RAD54L2: variants seen among roughly 807,000 people sequenced by gnomAD.
RAD54L2 encodes the protein helicase ARIP4.
Under a neutral mutation model 138.4 loss-of-function variants are expected in RAD54L2, and 27 were observed. The ratio of observed to expected loss-of-function variants is 0.20; its 90% CI spans 0.14 to 0.27. The LOEUF is 0.27. Among genes scored for constraint, RAD54L2 ranks in the 10% least tolerant of loss-of-function variants. The pLI is 1.00. For synonymous variants in RAD54L2, 644 were observed against 723.2 expected (o/e 0.89, Z 1.76); for missense variants, 1,396 against 1,890.2 (o/e 0.74, Z 4.85).
At chr3:51,658,544 T>C (rs570578969) in intron 21 of RAD54L2, among the ~76,000 whole-genome samples, 7 of 152,310 alleles carry the variant, frequency 4.6e-5, no homozygotes, top group African/African-American at 1.7e-4. Flanking sequence ...CCTGTTTTTT[T>C]CCCCTCTTTT....
In RAD54L2 at chr3:51,569,803, T is replaced by G. The variant is rs1699296716; in HGVS notation, c.-54-20564T>G. On this transcript the variant is annotated intron_variant, in intron 2 of 22. Transcript: ENST00000684192. ...CACAGTGTCTTTTTAATTTATATTT[T>G]TATAATATGCTAACATTTTATTTAT... Among the ~76,000 whole-genome samples the G allele has an allele frequency of 2.0e-5, 3 of 152,204 alleles. No individual in the cohort carries two copies. In the South Asian group the frequency reaches 6.2e-4, roughly 31 times the overall value.
intron 2 of RAD54L2, among the ~76,000 whole-genome samples, chr3:51,564,931 A>G (rs1699179858): frequency 6.6e-6 from 1 of 152,174 alleles, no homozygotes; most frequent in Non-Finnish European, 1.5e-5. Context: ...TGAAGATCAT[A>G]TGTTTGATTC....
chr3:51,599,760 A>G (rs1365137071), intron 3 of RAD54L2, among the ~76,000 whole-genome samples: 1 of 148,238 alleles, frequency 6.7e-6, no homozygotes, highest in South Asian at 2.1e-4. Context: ...AAAAAAAAAA[A>G]AGGGCAAAAA....
At chr3:51,640,279 T>C (rs1353628047) in intron 14 of RAD54L2, among the ~76,000 whole-genome samples, 2 of 152,220 alleles carry the variant, frequency 1.3e-5, no homozygotes, top group Non-Finnish European at 2.9e-5. Flanking sequence ...TTTAAAAGGT[T>C]ATAAAAAACA....
In RAD54L2 at chr3:51,645,145, C is replaced by T. The variant is rs759617021; in HGVS notation, c.2572C>T (p.Pro858Ser). The T allele has an allele frequency of 1.2e-6, 2 of 1,613,926 alleles. No individual in the cohort carries two copies. The highest frequency in any genetic ancestry group is 1.1e-5 in the South Asian group (1 of 91,080). ...GGTATACCGTTATGGCCAGAAAAAG[C>T]CCTGTTACATCTATCGCCTTGTGGC... Reference protein sequence around the residue: ...CRVYRYGQKKPCYIYRLVADY... With the variant: ...CRVYRYGQKKSCYIYRLVADY... Residue 858 changes from proline (P) to serine (S), a missense_variant, in exon 17 of 23, where the codon CCC (proline) becomes TCC (serine). By Grantham distance (74) the Pro-to-Ser change is moderately conservative. Transcript: ENST00000684192. The surrounding 1 kb of genome is among the most constrained non-coding windows in gnomAD (Gnocchi z 6.1).
rs111782111 is a variant in RAD54L2, at chr3:51,540,462, C to A, written c.-116-1127C>A. ...ATATCATTGAAAGACAGTACGCAAA[C>A]TCCAACTCTGAGGCCTGCAGCTGTG... On this transcript the variant is annotated intron_variant, in intron 1 of 22. Transcript: ENST00000684192. 6.2e-3 allele frequency among the ~76,000 whole-genome samples: 940 copies of A among 152,344 alleles called. 7 individuals are homozygous for A. The highest frequency in any genetic ancestry group is 0.021 in the African/African-American group (885 of 41,572).
chr3:51,662,077 C>G lies in RAD54L2; in HGVS notation c.3410-349C>G, dbSNP rs1392685520. The stretch of plus-strand genomic sequence containing the variant: ...TTTAGCTTGATTTTCCTCTTTCCCC[C>G]ACATTGATCACTGACTGTCTCTTAC... On this transcript the variant is annotated intron_variant, in intron 22 of 22. Coordinates refer to ENST00000684192, the MANE Select transcript of RAD54L2 (RefSeq NM_015106.4). The surrounding 1 kb of genome is among the most constrained non-coding windows in gnomAD (Gnocchi z 4.6). 6.6e-6 allele frequency among the ~76,000 whole-genome samples: 1 copy of G among 152,134 alleles called. No individual in the cohort carries two copies. Among genetic ancestry groups the G allele is most frequent in the East Asian group, 1.9e-4 (1 of 5,186 alleles).
At chr3:51,555,343 T>G (rs1267496578) in intron 2 of RAD54L2, among the ~76,000 whole-genome samples, 1 of 151,924 alleles carries the variant, frequency 6.6e-6, no homozygotes, top group Non-Finnish European at 1.5e-5. Flanking sequence ...CCAGGCATGG[T>G]GGCTCACACC....
chr3:51,579,061 C>T (rs753272418), intron 2 of RAD54L2, among the ~76,000 whole-genome samples: 23 of 152,180 alleles, frequency 1.5e-4, no homozygotes, highest in Non-Finnish European at 2.9e-4. Flanking sequence ...GAAGCTACAC[C>T]ATCAAGCTGT....
chr3:51,641,581 T>G (rs1281413090), intron 14 of RAD54L2, among the ~76,000 whole-genome samples, 168 bp from the exon 15 acceptor site: 1 of 152,134 alleles, frequency 6.6e-6, no homozygotes, highest in African/African-American at 2.4e-5. Context: ...CCTCCCAAAG[T>G]GCTGGGATTA....
At chr3:51,574,584 C>G (rs1699421173) in intron 2 of RAD54L2, among the ~76,000 whole-genome samples, 1 of 152,160 alleles carries the variant, frequency 6.6e-6, no homozygotes, top group Non-Finnish European at 1.5e-5. Flanking sequence ...ATTTGCATTT[C>G]TCTGATGGCC....
intron 3 of RAD54L2, among the ~76,000 whole-genome samples, chr3:51,617,598 A>G (rs951160635): frequency 6.6e-6 from 1 of 152,180 alleles, no homozygotes; most frequent in African/African-American, 2.4e-5. Flanking sequence ...ATTCTAGGCC[A>G]GGTATGGTGA....
intron 2 of RAD54L2, among the ~76,000 whole-genome samples, chr3:51,547,024 ACT>A (rs782244092): frequency 6.6e-6 from 1 of 151,462 alleles, no homozygotes; most frequent in African/African-American, 2.4e-5. Flanking sequence ...GTGAAACTTG[ACT>A]CTGTCTTTAA....
chr3:51,628,914 C>A (rs568287431), intron 4 of RAD54L2, among the ~76,000 whole-genome samples: 23 of 151,938 alleles, frequency 1.5e-4, no homozygotes, highest in Admixed American at 1.4e-3. Flanking sequence ...CGGGGTTTTG[C>A]CGTGTTAGCC....
At chr3:51,624,646 A>G (rs1700637508) in intron 3 of RAD54L2, among the ~76,000 whole-genome samples, 2 of 152,178 alleles carry the variant, frequency 1.3e-5, no homozygotes, top group African/African-American at 4.8e-5. Flanking sequence ...TCCGTTTTTA[A>G]ACATGAACAG....
rs142436430 is a variant in RAD54L2, at chr3:51,632,404, C to T, written c.826-1173C>T. 6.8e-4 allele frequency among the ~76,000 whole-genome samples: 103 copies of T among 152,266 alleles called. 1 individual carries two copies. The highest frequency in any genetic ancestry group is 2.4e-3 in the African/African-American group (99 of 41,592). ...CGCCTCCCAGGCTCAAGCGATTCTCCTGCCTCAGCCTCCCAAGTAGCTGGG... is the reference window on the plus strand; with the variant it reads ...CGCCTCCCAGGCTCAAGCGATTCTCTTGCCTCAGCCTCCCAAGTAGCTGGG... On this transcript the variant is annotated intron_variant, in intron 7 of 22. Transcript: ENST00000684192.
chr3:51,590,703 T>C (rs1388307187), intron 3 of RAD54L2, 144 bp downstream of exon 3: 66 of 1,118,234 alleles, frequency 5.9e-5, no homozygotes, highest in Non-Finnish European at 8.3e-5. Context: ...ATGCAATGAA[T>C]TCAGATGCTC....
chr3:51,633,479 C>T lies in RAD54L2; in HGVS notation c.826-98C>T, dbSNP rs575613683. On this transcript the variant is annotated intron_variant, in intron 7 of 22. Transcript: ENST00000684192. The stretch of plus-strand genomic sequence containing the variant: ...CCACACCTGCTATCTATTATAACGC[C>T]TTCTCACTTACTTAATTCTTACTAA... 3 of 1,212,666 alleles carry T rather than the reference C, an allele frequency of 2.5e-6. No individual in the cohort carries two copies. The Admixed American group carries it at 6.1e-5, about 25-fold the overall frequency. The allele number at this position is 1,212,666 out of a possible 1,614,324, so 75.1% of individuals were successfully genotyped here.
At chr3:51,555,813 C>T (rs1698948660) in intron 2 of RAD54L2, among the ~76,000 whole-genome samples, 1 of 152,142 alleles carries the variant, frequency 6.6e-6, no homozygotes, top group Admixed American at 6.6e-5. Flanking sequence ...CGTATTTACC[C>T]CCAGACACAA....
Sources: gnomAD v4.1 joint callset for allele counts (sites outside exome capture counted in the v4.1 genomes callset) on GRCh38, gnomAD v4.1.1 for gene constraint, Gnocchi (gnomAD v3.1) non-coding constraint, MANE v1.5 for transcripts, NCBI Gene and HGNC (gene_info 2026-07-23, HGNC 2026-07-21) for gene names.